Variants in CADPS observed in about 807,000 individuals in gnomAD.
CADPS encodes the protein calcium dependent secretion activator.
Under a neutral mutation model 167.3 loss-of-function variants are expected in CADPS, and 57 were observed. The observed-to-expected ratio is 0.34, with a 90% confidence interval of 0.28 to 0.42. CADPS has a LOEUF of 0.42. Ranked by LOEUF, CADPS falls within the 20% of genes least tolerant of loss-of-function variation. The probability of loss-of-function intolerance (pLI) is 1.00; values close to 1 mark genes in which losing one functional copy is unlikely to be tolerated. For missense variants in CADPS, 1,414 were observed against 1,738.1 expected (o/e 0.81, Z 3.32); for synonymous variants, 676 against 635.3 (o/e 1.06, Z -0.96).
intron 3 of CADPS, among the ~76,000 whole-genome samples, chr3:62,743,930 G>A (rs2080883691): frequency 6.6e-6 from 1 of 152,190 alleles, no homozygotes; most frequent in Non-Finnish European, 1.5e-5. Flanking sequence ...CCTTCCTAGA[G>A]TCTAGACAGG....
chr3:62,652,589 G>C (rs141353918), intron 4 of CADPS, among the ~76,000 whole-genome samples: 1 of 151,966 alleles, frequency 6.6e-6, no homozygotes, highest in Admixed American at 6.6e-5. Context: ...CAGACTCAGG[G>C]TTGGCTGCCA....
At chr3:62,728,095 G>A (rs1325939474) in intron 3 of CADPS, among the ~76,000 whole-genome samples, 2 of 151,758 alleles carry the variant, frequency 1.3e-5, no homozygotes, top group Admixed American at 6.6e-5. Flanking sequence ...TTATCAACAC[G>A]AAGTCGCTGT....
chr3:62,764,170 C>G (rs1559516237), intron 2 of CADPS, among the ~76,000 whole-genome samples: 1 of 152,108 alleles, frequency 6.6e-6, no homozygotes, highest in Non-Finnish European at 1.5e-5. Flanking sequence ...AGGGTTCTGC[C>G]ATTACTCTCC....
chr3:62,717,155 T>C (rs373080082), intron 3 of CADPS, among the ~76,000 whole-genome samples: 11 of 152,216 alleles, frequency 7.2e-5, no homozygotes, highest in African/African-American at 2.7e-4. Flanking sequence ...CATTGAAGAC[T>C]AGACAGATAA....
intron 9 of CADPS, among the ~76,000 whole-genome samples, chr3:62,566,038 G>A (rs1451869847): frequency 6.6e-6 from 1 of 152,180 alleles, no homozygotes; most frequent in Non-Finnish European, 1.5e-5. Context: ...TCATAATTGT[G>A]TTGGAAATTG....
In CADPS at chr3:62,618,947, C is replaced by T. The variant is rs183759442; in HGVS notation, c.1326-26199G>A. ...CTGGATTGTTGTATAATAATCTTAT[C>T]TTAATTAGGTATTGATGACTAGGGA... On this transcript the variant is annotated intron_variant, in intron 6 of 29. Coordinates refer to ENST00000383710, the MANE Select transcript of CADPS (RefSeq NM_003716.4). 1.2e-4 allele frequency among the ~76,000 whole-genome samples: 19 copies of T among 152,304 alleles called. No individual in the cohort carries two copies. The South Asian group carries it at 2.1e-3, about 17-fold the overall frequency.
intron 8 of CADPS, among the ~76,000 whole-genome samples, chr3:62,575,702 C>T (rs2082125758): frequency 6.6e-6 from 1 of 152,212 alleles, no homozygotes; most frequent in Admixed American, 6.5e-5. Flanking sequence ...CTCTTCTTCA[C>T]ACTCTTCCTC....
At chr3:62,682,637 C>A (rs1284025391) in intron 3 of CADPS, among the ~76,000 whole-genome samples, 1 of 152,060 alleles carries the variant, frequency 6.6e-6, no homozygotes, top group Non-Finnish European at 1.5e-5. Context: ...ATCTGGATCT[C>A]TGGAAAATAA....
Position 62,465,748 on chromosome 3 carries a change from A to T in CADPS, c.3553-298T>A, listed in dbSNP as rs2150382463. Among the ~76,000 whole-genome samples, 1 of 152,364 alleles carries T rather than the reference A, an allele frequency of 6.6e-6. No homozygotes were observed. The highest frequency in any genetic ancestry group is 1.9e-4 in the East Asian group (1 of 5,184). ...TGCGATAATATTAAATGCACTTTTT[A>T]AAATCCAAAACTGCGCAAAGCAGTT... On this transcript the variant is annotated intron_variant, in intron 25 of 29. Transcript: ENST00000383710. This position sits in a 1 kb window ranked among gnomAD's most constrained non-coding sequence, Gnocchi z 4.1.
At chr3:62,833,195 C>T (rs1410577743) in intron 1 of CADPS, among the ~76,000 whole-genome samples, 2 of 152,040 alleles carry the variant, frequency 1.3e-5, no homozygotes, top group Non-Finnish European at 2.9e-5. Flanking sequence ...TGCTCTATTG[C>T]CCGGGCTGGA....
chr3:62,527,629 G>C (rs930761961), intron 13 of CADPS, among the ~76,000 whole-genome samples: 3 of 152,182 alleles, frequency 2.0e-5, no homozygotes, highest in African/African-American at 7.2e-5. Context: ...TTTTCACGGA[G>C]ATGGTGCACA....
At chr3:62,824,659 C>T (rs1053344409) in intron 1 of CADPS, among the ~76,000 whole-genome samples, 12 of 152,134 alleles carry the variant, frequency 7.9e-5, no homozygotes, top group African/African-American at 2.7e-4. Flanking sequence ...ATATTGCTCA[C>T]AGCACAAGTG....
At chr3:62,609,671 T>C (rs1334647597) in intron 6 of CADPS, among the ~76,000 whole-genome samples, 2 of 152,192 alleles carry the variant, frequency 1.3e-5, no homozygotes, top group African/African-American at 4.8e-5. Flanking sequence ...TTAGTAAAGA[T>C]CGAATTAGAT....
At chr3:62,739,245 A>G (rs1237628094) in intron 3 of CADPS, among the ~76,000 whole-genome samples, 1 of 152,156 alleles carries the variant, frequency 6.6e-6, no homozygotes, top group Admixed American at 6.5e-5. Flanking sequence ...AATCATTCCA[A>G]CTGAAGTTAT....
intron 18 of CADPS, among the ~76,000 whole-genome samples, chr3:62,498,452 C>T (rs1316067482): frequency 2.0e-5 from 3 of 151,856 alleles, no homozygotes; most frequent in Non-Finnish European, 2.9e-5. Context: ...TTGAGATGAG[C>T]ATTGATATAA....
In CADPS at chr3:62,771,897, A is replaced by G. The variant is rs188089305; in HGVS notation, c.442-5913T>C. On this transcript the variant is annotated intron_variant, in intron 1 of 29. Transcript: ENST00000383710. Reference sequence around the variant, plus strand: ...TGATCTGCAGTGAGGAGAAAACGGCATGTTCTAAGTGTCGGTCTCAGGAGA... The same window carrying G: ...TGATCTGCAGTGAGGAGAAAACGGCGTGTTCTAAGTGTCGGTCTCAGGAGA... Among the ~76,000 whole-genome samples, 76 of 152,336 alleles carry G rather than the reference A, an allele frequency of 5.0e-4. 1 individual carries two copies. Among genetic ancestry groups the G allele is most frequent in the Admixed American group, 8.5e-4 (13 of 15,302 alleles).
intron 6 of CADPS, among the ~76,000 whole-genome samples, chr3:62,641,968 G>T (rs991961596): frequency 6.6e-6 from 1 of 152,116 alleles, no homozygotes; most frequent in Non-Finnish European, 1.5e-5. Context: ...GCTGAGCAGG[G>T]TCCTGGCCAT....
intron 9 of CADPS, among the ~76,000 whole-genome samples, chr3:62,565,529 A>G (rs990451647): frequency 6.6e-6 from 1 of 152,104 alleles, no homozygotes; most frequent in Non-Finnish European, 1.5e-5. Context: ...CCCCAGACTT[A>G]CTGTATCAGA....
rs2076441297 is a variant in CADPS at position 62,546,307 on chromosome 3, C to T, written c.1966+3596G>A. ...TTTTCATCTTTCTTGCGTGGTAGTACCTGGTGACCAATCCGTCCTACTTTG... is the reference window on the plus strand; with the variant it reads ...TTTTCATCTTTCTTGCGTGGTAGTATCTGGTGACCAATCCGTCCTACTTTG... On this transcript the variant is annotated intron_variant, in intron 11 of 29. Transcript: ENST00000383710. Among the ~76,000 whole-genome samples, 3 of 152,118 alleles carry T rather than the reference C, an allele frequency of 2.0e-5. No homozygotes were observed. The South Asian group carries it at 6.2e-4, about 32-fold the overall frequency.
Sources: allele counts gnomAD v4.1 joint callset (sites outside exome capture counted in the v4.1 genomes callset), GRCh38; gene constraint gnomAD v4.1.1; non-coding constraint Gnocchi (gnomAD v3.1); transcripts MANE v1.5; gene names NCBI Gene and HGNC (gene_info 2026-07-23, HGNC 2026-07-21).